Variants in LRRC4C observed in about 807,000 individuals in gnomAD.
LRRC4C encodes the protein leucine rich repeat containing 4C.
A neutral mutation model predicts 33.6 loss-of-function variants in LRRC4C; 5 were observed. That is an observed-to-expected ratio of 0.15 (90% CI 0.08 to 0.31). The LOEUF (loss-of-function observed/expected upper bound fraction) is 0.31. Ranked by LOEUF, LRRC4C falls within the 10% of genes least tolerant of loss-of-function variation. LRRC4C has a pLI of 1.00. For synonymous variants in LRRC4C, 329 were observed against 302.0 expected, an observed-to-expected ratio of 1.09 and a Z score of -0.93; for missense variants, 560 against 796.7, an observed-to-expected ratio of 0.70 and a Z score of 3.58.
chr11:40,800,198 C>A (rs939257241), intron 2 of LRRC4C, among the ~76,000 whole-genome samples: 2 of 152,036 alleles, frequency 1.3e-5, no homozygotes, highest in African/African-American at 4.8e-5. Context: ...GTGTCTTCAC[C>A]TTACATCTGG....
intron 2 of LRRC4C, among the ~76,000 whole-genome samples, chr11:40,720,714 A>G (rs1048795469): frequency 6.6e-6 from 1 of 152,202 alleles, no homozygotes; most frequent in Non-Finnish European, 1.5e-5. Flanking sequence ...ACAATATACG[A>G]TTAGACTCTT....
chr11:40,787,877 A>G (rs567661941), intron 2 of LRRC4C, among the ~76,000 whole-genome samples: 1 of 152,280 alleles, frequency 6.6e-6, no homozygotes, highest in African/African-American at 2.4e-5. Context: ...TGAAATGAAA[A>G]CAGGGAAAAT....
At chr11:40,739,722 A>G (rs1369326320) in intron 2 of LRRC4C, among the ~76,000 whole-genome samples, 1 of 151,804 alleles carries the variant, frequency 6.6e-6, no homozygotes, top group African/African-American at 2.4e-5. Flanking sequence ...CAGTTCTTCT[A>G]TTCACACTCT....
chr11:41,210,354 T>C lies in LRRC4C; in HGVS notation c.-496+249077A>G, dbSNP rs571669094. Among the ~76,000 whole-genome samples, 5 of 152,250 alleles carry C rather than the reference T, an allele frequency of 3.3e-5. No homozygotes were observed. In the East Asian group the frequency reaches 9.7e-4, roughly 29 times the overall value. On this transcript the variant is annotated intron_variant, in intron 1 of 6. Transcript: ENST00000528697. Reference sequence around the variant, plus strand: ...TACTGTTCTCCTGGTCTTGAATAAGTCTCGCGAGATCTGATGGTTTTACAA... The same window carrying C: ...TACTGTTCTCCTGGTCTTGAATAAGCCTCGCGAGATCTGATGGTTTTACAA...
At chr11:41,131,785 G>C (rs1276238047) in intron 1 of LRRC4C, among the ~76,000 whole-genome samples, 1 of 152,010 alleles carries the variant, frequency 6.6e-6, no homozygotes, top group East Asian at 1.9e-4. Context: ...AGTTACCTCT[G>C]TTCATCCTCA....
intron 5 of LRRC4C, among the ~76,000 whole-genome samples, chr11:40,169,040 A>T (rs1161996289): frequency 2.0e-5 from 3 of 152,290 alleles, no homozygotes; most frequent in Admixed American, 2.0e-4. Context: ...TTTATAAAAT[A>T]ACTTTGCAAC....
At chr11:41,340,006 T>C (rs1027673871) in intron 1 of LRRC4C, among the ~76,000 whole-genome samples, 5 of 152,170 alleles carry the variant, frequency 3.3e-5, no homozygotes, top group East Asian at 1.9e-4. Context: ...CTTTATGAAA[T>C]ATTTCCTAAA....
At chr11:40,419,498 A>T (rs2137724551) in intron 3 of LRRC4C, among the ~76,000 whole-genome samples, 1 of 152,318 alleles carries the variant, frequency 6.6e-6, no homozygotes, top group East Asian at 1.9e-4. Flanking sequence ...GGAACAACAT[A>T]TTTAATTAAT....
At chr11:41,263,728 T>C (rs928105310) in intron 1 of LRRC4C, among the ~76,000 whole-genome samples, 1 of 152,182 alleles carries the variant, frequency 6.6e-6, no homozygotes, top group Non-Finnish European at 1.5e-5. Flanking sequence ...AACTTATTTG[T>C]TCACAGAGCA....
intron 3 of LRRC4C, among the ~76,000 whole-genome samples, chr11:40,542,098 T>C (rs1490422470): frequency 6.6e-6 from 1 of 151,960 alleles, no homozygotes; most frequent in Non-Finnish European, 1.5e-5. Context: ...TCTTTTTCTC[T>C]CTTTTTTTCT....
At chr11:40,722,982 G>A (rs1363688980) in intron 2 of LRRC4C, among the ~76,000 whole-genome samples, 1 of 152,104 alleles carries the variant, frequency 6.6e-6, no homozygotes, top group Non-Finnish European at 1.5e-5. Context: ...CAACAGATGA[G>A]ACCAAGCAGG....
intron 1 of LRRC4C, among the ~76,000 whole-genome samples, chr11:41,277,724 T>C (rs752897852): frequency 9.9e-5 from 15 of 152,184 alleles, no homozygotes; most frequent in South Asian, 6.2e-4. Flanking sequence ...CCTGAAATTA[T>C]GTTAGTCGTT....
chr11:40,624,206 C>T (rs990101400), intron 3 of LRRC4C, among the ~76,000 whole-genome samples: 2 of 152,106 alleles, frequency 1.3e-5, no homozygotes, highest in African/African-American at 2.4e-5. Context: ...TTTCAATATC[C>T]TATCCTGCAA....
At chr11:40,375,186 C>G (rs775384130) in intron 3 of LRRC4C, among the ~76,000 whole-genome samples, 66 of 152,152 alleles carry the variant, frequency 4.3e-4, no homozygotes, top group Non-Finnish European at 9.3e-4. Context: ...TGTTTTATTA[C>G]CAACATATCA....
At chr11:41,262,933 A>G (rs916885441) in intron 1 of LRRC4C, among the ~76,000 whole-genome samples, 4 of 152,012 alleles carry the variant, frequency 2.6e-5, no homozygotes, top group African/African-American at 4.8e-5. Context: ...TTCTTGTTCA[A>G]TTGCTTTCAT....
intron 1 of LRRC4C, among the ~76,000 whole-genome samples, chr11:40,978,486 C>T (rs1286652249): frequency 2.6e-5 from 4 of 152,118 alleles, no homozygotes; most frequent in African/African-American, 4.8e-5. Context: ...TAGGTAGAGA[C>T]CAGGGATATT....
chr11:40,938,309 C>T (rs766260243), intron 1 of LRRC4C, among the ~76,000 whole-genome samples: 10 of 152,100 alleles, frequency 6.6e-5, no homozygotes, highest in Non-Finnish European at 1.0e-4. Flanking sequence ...TGTACTGTCA[C>T]AGAGAAAAGA....
At chr11:41,024,028 C>G (rs10837550) in intron 1 of LRRC4C, among the ~76,000 whole-genome samples, 107,998 of 150,640 alleles carry the variant, frequency 0.72, 38,987 homozygotes, top group South Asian at 0.78. Context: ...TTTCTAGTTG[C>G]GTTCAGATCA....
intron 1 of LRRC4C, among the ~76,000 whole-genome samples, chr11:41,346,042 G>A (rs1476075658): frequency 6.6e-6 from 1 of 151,948 alleles, no homozygotes; most frequent in Non-Finnish European, 1.5e-5. Flanking sequence ...GAGGATTCTG[G>A]GTGTTTCTAT....
Sources: allele counts gnomAD v4.1 joint callset (sites outside exome capture counted in the v4.1 genomes callset), GRCh38; gene constraint gnomAD v4.1.1; transcripts MANE v1.5; gene names NCBI Gene and HGNC (gene_info 2026-07-23, HGNC 2026-07-21).